Variants in GRIN2A observed in about 807,000 individuals in gnomAD.
The protein encoded by GRIN2A is glutamate ionotropic receptor NMDA type subunit 2A, also known as glutamate receptor ionotropic, NMDA 2A.
A neutral mutation model predicts 113.4 loss-of-function variants in GRIN2A; 22 were observed. The ratio of observed to expected loss-of-function variants is 0.19; its 90% confidence interval spans 0.14 to 0.28. The LOEUF (loss-of-function observed/expected upper bound fraction) is 0.28, where lower values mean the gene tolerates loss of function less well. Ranked by LOEUF, GRIN2A falls within the 10% of genes least tolerant of loss-of-function variation. GRIN2A has a pLI of 1.00. For missense variants in GRIN2A, 1,502 were observed against 1,887.0 expected, an observed-to-expected ratio of 0.80 and a Z score of 3.78; for synonymous variants, 827 against 738.4, an observed-to-expected ratio of 1.12 and a Z score of -1.94.
intron 2 of GRIN2A, among the ~76,000 whole-genome samples, chr16:10,080,610 T>C (rs918875727): frequency 1.3e-5 from 2 of 152,076 alleles, no homozygotes; most frequent in Non-Finnish European, 2.9e-5. Context: ...TTGATGGATT[T>C]CTCCACGGCA....
intron 5 of GRIN2A, among the ~76,000 whole-genome samples, chr16:9,843,451 T>C (rs775741513): frequency 4.6e-5 from 7 of 152,200 alleles, no homozygotes; most frequent in Non-Finnish European, 1.0e-4. Flanking sequence ...CACTTTGGCC[T>C]TTCAAAGTGC....
chr16:9,931,663 C>T (rs1184064097), intron 3 of GRIN2A, among the ~76,000 whole-genome samples: 4 of 152,170 alleles, frequency 2.6e-5, no homozygotes, highest in Non-Finnish European at 4.4e-5. Context: ...CCACCCTCTC[C>T]CTTCTATGAC....
At chr16:10,078,551 T>C (rs1298852190) in intron 2 of GRIN2A, among the ~76,000 whole-genome samples, 3 of 152,122 alleles carry the variant, frequency 2.0e-5, no homozygotes, top group Admixed American at 2.0e-4. Context: ...TCAGAGCACC[T>C]GGCAGGCCCC....
chr16:9,865,409 G>C (rs948026767), intron 4 of GRIN2A, among the ~76,000 whole-genome samples: 1 of 152,174 alleles, frequency 6.6e-6, no homozygotes, highest in Non-Finnish European at 1.5e-5. Context: ...CAATCAGGAA[G>C]CCTCTCAGCA....
At chr16:9,859,892 C>G (rs1025863594) in intron 4 of GRIN2A, among the ~76,000 whole-genome samples, 2 of 152,080 alleles carry the variant, frequency 1.3e-5, no homozygotes, top group East Asian at 3.9e-4. Flanking sequence ...TTTCCCCTCA[C>G]TTGTTTATTC....
In GRIN2A at chr16:10,163,411, G is replaced by A. The variant is rs536040935; in HGVS notation, c.414+16587C>T. Among the ~76,000 whole-genome samples, 3 of 152,294 alleles carry A rather than the reference G, an allele frequency of 2.0e-5. No individual in the cohort carries two copies. The South Asian group carries it at 6.2e-4, about 32-fold the overall frequency. ...CAGGGCATGGTTAATATATGGCAGA[G>A]GAGACAGCCATCCTGTGTCCTTTTC... On this transcript the variant is annotated intron_variant, in intron 2 of 12. Coordinates refer to ENST00000330684, the MANE Select transcript of GRIN2A (RefSeq NM_001134407.3).
intron 2 of GRIN2A, among the ~76,000 whole-genome samples, chr16:10,064,267 A>C (rs1241554277): frequency 6.6e-6 from 1 of 152,164 alleles, no homozygotes; most frequent in East Asian, 1.9e-4. Flanking sequence ...GGGGCCCTGC[A>C]TCAACAGGTA....
intron 2 of GRIN2A, among the ~76,000 whole-genome samples, chr16:10,044,351 C>T (rs936881331): frequency 2.6e-5 from 4 of 151,754 alleles, no homozygotes; most frequent in Admixed American, 6.6e-5. Flanking sequence ...TTTTCACACC[C>T]GGCCTACAAT....
chr16:9,868,684 T>C (rs1289870548), intron 4 of GRIN2A, among the ~76,000 whole-genome samples: 1 of 152,154 alleles, frequency 6.6e-6, no homozygotes, highest in African/African-American at 2.4e-5. Flanking sequence ...ATGGTCTAAG[T>C]GACCTGGCCT....
At chr16:10,126,974 T>C (rs62035789) in intron 2 of GRIN2A, among the ~76,000 whole-genome samples, 1 of 152,182 alleles carries the variant, frequency 6.6e-6, no homozygotes, top group Non-Finnish European at 1.5e-5. Context: ...CTGGGGGAGT[T>C]GGAGCTGCCC....
At chr16:10,155,530 T>C (rs929688170) in intron 2 of GRIN2A, among the ~76,000 whole-genome samples, 1 of 152,192 alleles carries the variant, frequency 6.6e-6, no homozygotes, top group Non-Finnish European at 1.5e-5. Flanking sequence ...TGGCAGATAA[T>C]GTGACTGCAA....
chr16:10,039,605 G>A (rs2047104640), intron 2 of GRIN2A, among the ~76,000 whole-genome samples: 1 of 151,888 alleles, frequency 6.6e-6, no homozygotes, highest in African/African-American at 2.4e-5. Flanking sequence ...GGAGGGACCG[G>A]TGGCGTTGGG....
At chr16:10,175,213 C>T (rs776406908) in intron 2 of GRIN2A, among the ~76,000 whole-genome samples, 6 of 152,128 alleles carry the variant, frequency 3.9e-5, no homozygotes, top group Admixed American at 6.5e-5. Context: ...AATCACCTAA[C>T]GATCCATTTC....
At chr16:10,125,520 A>G (rs926721386) in intron 2 of GRIN2A, among the ~76,000 whole-genome samples, 1 of 151,948 alleles carries the variant, frequency 6.6e-6, no homozygotes, top group Non-Finnish European at 1.5e-5. Context: ...CCTCAATTAC[A>G]CAAATCTAAG....
Position 9,756,540 on chromosome 16 carries a change from A to G in GRIN2A, c.*6609T>C, listed in dbSNP as rs1420040. Reference sequence around the variant, plus strand: ...CCCTGGAGGAGACCAGGCACTTTGAAAATATGTCTAACGTTAGGGATTTAC... The same window carrying G: ...CCCTGGAGGAGACCAGGCACTTTGAGAATATGTCTAACGTTAGGGATTTAC... On this transcript the variant is annotated 3_prime_UTR_variant, in exon 13 of 13. Coordinates refer to ENST00000330684, the MANE Select transcript of GRIN2A (RefSeq NM_001134407.3). 89,813 of 211,944 alleles carry G rather than the reference A, an allele frequency of 0.42. 19,406 individuals are homozygous for G. The highest frequency in any genetic ancestry group is 0.56 in the South Asian group (2,959 of 5,322). 13.1% of individuals were successfully genotyped at this position (211,944 alleles called of 1,614,324 possible). A position where few individuals can be genotyped will look rare whatever the true frequency, so the allele number is the denominator to read the frequency against.
intron 2 of GRIN2A, among the ~76,000 whole-genome samples, chr16:10,063,537 A>G (rs1055798064): frequency 2.0e-5 from 3 of 152,218 alleles, no homozygotes; most frequent in African/African-American, 7.2e-5. Context: ...ATGAGAAGGA[A>G]ATAAAATTCT....
At chr16:9,879,165 C>A (rs938159787) in intron 4 of GRIN2A, among the ~76,000 whole-genome samples, 5 of 151,964 alleles carry the variant, frequency 3.3e-5, no homozygotes, top group Admixed American at 1.3e-4. Context: ...AGAAACTTAA[C>A]GATCATTATA....
intron 2 of GRIN2A, among the ~76,000 whole-genome samples, chr16:10,113,186 A>G (rs2048656113): frequency 6.8e-6 from 1 of 147,424 alleles, no homozygotes; most frequent in Non-Finnish European, 1.5e-5. Flanking sequence ...CATGGCCCCC[A>G]CCCCAGGGAC....
At chr16:9,796,946 A>T (rs1235030138) in intron 11 of GRIN2A, among the ~76,000 whole-genome samples, 1 of 152,262 alleles carries the variant, frequency 6.6e-6, no homozygotes, top group Non-Finnish European at 1.5e-5. Context: ...TGGAGAATTC[A>T]AAGACTCACA....
Sources: gnomAD v4.1 joint callset for allele counts (sites outside exome capture counted in the v4.1 genomes callset) on GRCh38, gnomAD v4.1.1 for gene constraint, MANE v1.5 for transcripts, NCBI Gene and HGNC (gene_info 2026-07-23, HGNC 2026-07-21) for gene names.